The following DCDC1 variants were observed in gnomAD, a reference collection of about 807,000 sequenced individuals.
DCDC1 encodes the protein doublecortin domain containing 1, also known as doublecortin domain-containing protein 1.
Under a neutral mutation model 178.3 loss-of-function variants are expected in DCDC1, and 200 were observed. That is an observed-to-expected ratio of 1.12 (90% CI 1.00 to 1.26). DCDC1 has a LOEUF of 1.26. DCDC1 is among the 50% of genes most tolerant of loss of function. The pLI is 0.00. For missense variants in DCDC1, 1,983 were observed against 1,749.2 expected (o/e 1.13, Z -2.38); for synonymous variants, 690 against 604.8 (o/e 1.14, Z -2.07).
chr11:31,307,270 T>C (rs1377453210), intron 4 of DCDC1: 1 of 177,134 alleles, frequency 5.6e-6, no homozygotes, highest in Non-Finnish European at 1.2e-5. Context: ...ATTTACAAAA[T>C]TGTTTTATAA....
At chr11:30,886,785 G>C (rs1269135603) in intron 36 of DCDC1, among the ~76,000 whole-genome samples, 1 of 151,770 alleles carries the variant, frequency 6.6e-6, no homozygotes, top group African/African-American at 2.4e-5. Flanking sequence ...GGAAACCAAA[G>C]GGTATGGCAG....
At chr11:31,053,353 A>T (rs1253048330) in intron 20 of DCDC1, among the ~76,000 whole-genome samples, 1 of 152,108 alleles carries the variant, frequency 6.6e-6, no homozygotes, top group African/African-American at 2.4e-5. Flanking sequence ...ATTACCAACA[A>T]AAAAAGTCCA....
At chr11:30,944,275 C>T in intron 21 of DCDC1, 1 of 455,838 alleles carries the variant, frequency 2.2e-6, no homozygotes, top group Non-Finnish European at 4.4e-6. Flanking sequence ...GCTTATACTT[C>T]TTAATCTGTA....
intron 17 of DCDC1, among the ~76,000 whole-genome samples, chr11:31,082,511 A>G (rs1957236552): frequency 6.6e-6 from 1 of 152,068 alleles, no homozygotes; most frequent in African/African-American, 2.4e-5. Context: ...CATATGTTAA[A>G]TGTCTATATA....
At chr11:30,920,399 G>A (rs1254413814) in intron 25 of DCDC1, among the ~76,000 whole-genome samples, 2 of 152,186 alleles carry the variant, frequency 1.3e-5, no homozygotes, top group Non-Finnish European at 2.9e-5. Flanking sequence ...CTATTTCAAT[G>A]ATCCAGAAAG....
intron 20 of DCDC1, among the ~76,000 whole-genome samples, chr11:31,014,693 C>A (rs984988257): frequency 1.3e-5 from 2 of 152,120 alleles, no homozygotes; most frequent in South Asian, 4.1e-4. Flanking sequence ...ATGGTGTTTA[C>A]CAATCACTAC....
At chr11:31,200,339 A>C (rs541949304) in intron 9 of DCDC1, among the ~76,000 whole-genome samples, 7 of 152,258 alleles carry the variant, frequency 4.6e-5, no homozygotes, top group African/African-American at 1.4e-4. Flanking sequence ...ACTAGATGCC[A>C]GTGGATAACT....
Position 31,064,550 on chromosome 11 carries a change from C to A in DCDC1, c.2510G>T (p.Gly837Val), listed in dbSNP as rs746992716. 6.5e-6 allele frequency: 5 copies of A among 765,898 alleles called. No homozygotes were observed. The highest frequency in any genetic ancestry group is 2.4e-5 in the East Asian group (1 of 41,246). The allele number at this position is 765,898 out of a possible 1,614,324, so 47.4% of individuals were successfully genotyped here. A position where few individuals can be genotyped will look rare whatever the true frequency, so the allele number is the denominator to read the frequency against. Residue 837 changes from glycine to valine, a missense_variant, in exon 20 of 39, where the codon GGT (glycine) becomes GTT (valine). Physicochemically the swap from Gly to Val is moderately radical, Grantham distance 109. Coordinates refer to ENST00000684477, the MANE Select transcript of DCDC1 (RefSeq NM_001387274.1). ...CAGCTCCCCCGTCTCCTCAAGAGAA[C>A]CTTCTGGCATTAAATGGGTGTCTGA... is the stretch of plus-strand genomic sequence containing the variant. ...EPSDTHLMPE[G>V]SLEETGELTV...
intron 9 of DCDC1, among the ~76,000 whole-genome samples, chr11:31,194,472 GA>G (rs1325651602): frequency 2.6e-5 from 4 of 151,954 alleles, no homozygotes; most frequent in Admixed American, 1.3e-4. Flanking sequence ...ACAACTTAGA[GA>G]AAAAACATCA....
intron 3 of DCDC1, among the ~76,000 whole-genome samples, chr11:31,326,214 G>GA (rs1949635752): frequency 6.6e-6 from 1 of 151,936 alleles, no homozygotes. Flanking sequence ...ACAAAAACTA[G>GA]AAAAAACAGC....
intron 9 of DCDC1, among the ~76,000 whole-genome samples, chr11:31,169,342 A>G (rs184737973): frequency 6.6e-6 from 1 of 152,326 alleles, no homozygotes; most frequent in African/African-American, 2.4e-5. Flanking sequence ...TATGTATACC[A>G]CTGAACATAA....
At chr11:31,121,117 T>C (rs572769300) in intron 11 of DCDC1, among the ~76,000 whole-genome samples, 23 of 152,182 alleles carry the variant, frequency 1.5e-4, no homozygotes, top group Non-Finnish European at 2.9e-4. Flanking sequence ...ATGGTGCACA[T>C]TGAGTGTAAC....
At chr11:30,872,915 G>A (rs748569115) in intron 38 of DCDC1, among the ~76,000 whole-genome samples, 37 of 151,646 alleles carry the variant, frequency 2.4e-4, no homozygotes, top group African/African-American at 8.2e-4. Context: ...TGAGCCCCAC[G>A]GGGACAGGGA....
chr11:31,263,000 T>C, intron 8 of DCDC1: 5 of 1,595,244 alleles, frequency 3.1e-6, no homozygotes, highest in Non-Finnish European at 4.3e-6. Flanking sequence ...ACTTCTGGGA[T>C]ACGTGAAGCA....
At chr11:30,968,090 A>T (rs1250420165) in intron 20 of DCDC1, among the ~76,000 whole-genome samples, 2 of 152,130 alleles carry the variant, frequency 1.3e-5, no homozygotes, top group Admixed American at 6.6e-5. Flanking sequence ...GATCCCAGGA[A>T]CTGAGACAGT....
intron 20 of DCDC1, among the ~76,000 whole-genome samples, chr11:31,061,514 T>A (rs919454453): frequency 6.6e-6 from 1 of 151,764 alleles, no homozygotes; most frequent in African/African-American, 2.4e-5. Context: ...TGTAGTAAAT[T>A]GTGGAGGCAG....
At chr11:30,870,399 C>T (rs1941426442) in intron 38 of DCDC1, among the ~76,000 whole-genome samples, 1 of 152,134 alleles carries the variant, frequency 6.6e-6, no homozygotes, top group Non-Finnish European at 1.5e-5. Context: ...CACAGCAGAC[C>T]ACTGTCACAC....
chr11:31,051,682 A>C (rs1290569371), intron 20 of DCDC1, among the ~76,000 whole-genome samples: 1 of 152,206 alleles, frequency 6.6e-6, no homozygotes, highest in Non-Finnish European at 1.5e-5. Flanking sequence ...AGCCTCCTCA[A>C]ACAAAACAGT....
chr11:30,918,575 T>A (rs1946025397), intron 25 of DCDC1, among the ~76,000 whole-genome samples: 1 of 152,172 alleles, frequency 6.6e-6, no homozygotes, highest in South Asian at 2.1e-4. Context: ...TGAGAGGTGA[T>A]GTTTGAATTG....
Sources: gnomAD v4.1 joint callset for allele counts (sites outside exome capture counted in the v4.1 genomes callset) on GRCh38, gnomAD v4.1.1 for gene constraint, MANE v1.5 for transcripts, NCBI Gene and HGNC (gene_info 2026-07-23, HGNC 2026-07-21) for gene names.